Variants in NCKAP5 observed in about 807,000 individuals in gnomAD.
NCKAP5 encodes NCK associated protein 5, also known as nck-associated protein 5.
NCKAP5 carries 92 observed loss-of-function variants against 167.0 expected under a neutral mutation model. The ratio of observed to expected loss-of-function variants is 0.55; its 90% CI spans 0.47 to 0.66. NCKAP5 has a LOEUF of 0.66. NCKAP5 is among the 30% of genes least tolerant of loss of function. NCKAP5 has a pLI of 0.00. For synonymous variants in NCKAP5, 891 were observed against 877.4 expected, an observed-to-expected ratio of 1.02 and a Z score of -0.27; for missense variants, 2,378 against 2,315.0, an observed-to-expected ratio of 1.03 and a Z score of -0.56.
intron 19 of NCKAP5, among the ~76,000 whole-genome samples, chr2:132,704,912 G>A (rs981901030): frequency 5.9e-5 from 9 of 152,130 alleles, no homozygotes; most frequent in Admixed American, 3.3e-4. Flanking sequence ...ATAAGATCCT[G>A]ATAAGTTTCT....
chr2:132,702,270 T>A (rs1687958074), intron 19 of NCKAP5, among the ~76,000 whole-genome samples: 1 of 152,208 alleles, frequency 6.6e-6, no homozygotes, highest in Non-Finnish European at 1.5e-5. Context: ...GAAAGGTTTG[T>A]GATGAGCAAC....
intron 19 of NCKAP5, among the ~76,000 whole-genome samples, chr2:132,704,853 A>G (rs1454561479): frequency 6.6e-6 from 1 of 152,194 alleles, no homozygotes; most frequent in Non-Finnish European, 1.5e-5. Context: ...ATAAATACAC[A>G]ACTATGCTCA....
intron 2 of NCKAP5, among the ~76,000 whole-genome samples, chr2:133,538,470 A>G (rs1056711797): frequency 6.6e-6 from 1 of 152,156 alleles, no homozygotes; most frequent in South Asian, 2.1e-4. Flanking sequence ...AATCTTCCAT[A>G]AAATAATAGT....
chr2:133,466,634 A>G (rs1052698067), intron 3 of NCKAP5, among the ~76,000 whole-genome samples: 3 of 152,102 alleles, frequency 2.0e-5, no homozygotes, highest in African/African-American at 7.2e-5. Flanking sequence ...GATTCTTCCT[A>G]CCCATGAGCA....
intron 4 of NCKAP5, among the ~76,000 whole-genome samples, chr2:133,230,576 C>G (rs1273603025): frequency 1.3e-5 from 2 of 150,804 alleles, no homozygotes; most frequent in Non-Finnish European, 2.9e-5. Context: ...TTGCAAACTT[C>G]TTCTCTTCAA....
rs537227525 is a variant in NCKAP5, at chr2:133,559,097, C to A, written c.-109G>T. On this transcript the variant is annotated 5_prime_UTR_variant, in exon 2 of 20. It removes an upstream start codon present in the reference 5' UTR. Transcript: ENST00000409261. ...TACAGGCACTTGAGGTAGCTTATCT[C>A]ATTTATTCTTCACGATGAACCTGTA... 156 of 152,250 alleles carry A rather than the reference C, an allele frequency of 1.0e-3. No homozygotes were observed. The highest frequency in any genetic ancestry group is 3.6e-3 in the African/African-American group (151 of 41,540). The allele number at this position is 152,250 out of a possible 1,614,324, so 9.4% of individuals were successfully genotyped here.
Position 132,731,945 on chromosome 2 carries a change from T to C in NCKAP5, c.5235A>G (p.Pro1745=). ...GAGGCAGGAGAGGCTCAGCGTCCTC[T>C]GGGGAGTCTGGCTGGCATAGGTAGC... ...TGRYLCQPDS[P]EDAEPLLPLQ... Residue 1745 remains proline, a synonymous_variant, in exon 17 of 20, where the codon CCA becomes CCG. Coordinates refer to ENST00000409261, the MANE Select transcript of NCKAP5 (RefSeq NM_207363.3). 1 of 1,613,926 alleles carries C rather than the reference T, an allele frequency of 6.2e-7. No homozygotes were observed. The highest frequency in any genetic ancestry group is 8.5e-7 in the Non-Finnish European group (1 of 1,179,866).
chr2:133,616,464 G>C, the NCKAP5 span, among the ~76,000 whole-genome samples: 1 of 151,048 alleles, frequency 6.6e-6, no homozygotes, highest in Admixed American at 6.6e-5. Context: ...AAATGATAAA[G>C]GGGATATCAC....
At chr2:133,461,588 G>A (rs890956950) in intron 3 of NCKAP5, among the ~76,000 whole-genome samples, 2 of 152,126 alleles carry the variant, frequency 1.3e-5, no homozygotes, top group African/African-American at 2.4e-5. Flanking sequence ...CATCCCCTAG[G>A]ACATGGTCAA....
chr2:133,610,392 G>A, the NCKAP5 span, among the ~76,000 whole-genome samples: 1 of 152,140 alleles, frequency 6.6e-6, no homozygotes, highest in African/African-American at 2.4e-5. Flanking sequence ...GAAGGGTGAG[G>A]AAGAAGAAGC....
intron 18 of NCKAP5, among the ~76,000 whole-genome samples, chr2:132,728,093 C>G (rs1690640391): frequency 6.6e-6 from 1 of 152,202 alleles, no homozygotes; most frequent in African/African-American, 2.4e-5. Flanking sequence ...CTCCTCCTTT[C>G]TCACCACCAG....
rs116820482 is a variant in NCKAP5, at chr2:133,135,411, T to C, written c.208-5300A>G. On this transcript the variant is annotated intron_variant, in intron 5 of 19. Transcript: ENST00000409261. ...GGCATAGGACGCAGGTGGAAAAGAA[T>C]AAGGGATAGACCACGTAGGACCATG... 6.1e-3 allele frequency among the ~76,000 whole-genome samples: 930 copies of C among 152,050 alleles called. 3 individuals are homozygous for C. The highest frequency in any genetic ancestry group is 0.021 in the African/African-American group (875 of 41,482).
chr2:132,789,842 T>C (rs1309494088), intron 13 of NCKAP5, among the ~76,000 whole-genome samples, 181 bp downstream of exon 13: 1 of 152,166 alleles, frequency 6.6e-6, no homozygotes. Flanking sequence ...CTCCAATTTA[T>C]AGTCAAATAG....
chr2:132,885,890 GCATAA>G (rs1210976220), intron 8 of NCKAP5, among the ~76,000 whole-genome samples: 2 of 152,220 alleles, frequency 1.3e-5, no homozygotes, highest in African/African-American at 4.8e-5. Context: ...TCTGTCCTCT[GCATAA>G]CATAACAGCT....
chr2:132,812,775 C>T (rs192921142), intron 11 of NCKAP5, among the ~76,000 whole-genome samples: 3 of 152,280 alleles, frequency 2.0e-5, no homozygotes, highest in African/African-American at 4.8e-5. Context: ...ATGTATTTCT[C>T]GCAGTTTTGG....
At chr2:132,954,585 G>C in intron 8 of NCKAP5, 1 of 447,214 alleles carries the variant, frequency 2.2e-6, no homozygotes, top group Non-Finnish European at 4.5e-6. Context: ...AGTATCCATT[G>C]AATAAATTTC....
chr2:133,057,609 G>A (rs2079849808), intron 6 of NCKAP5, among the ~76,000 whole-genome samples: 1 of 152,208 alleles, frequency 6.6e-6, no homozygotes, highest in African/African-American at 2.4e-5. Context: ...ATTCTATGAA[G>A]CCTGAGAGAG....
chr2:132,783,695 A>G lies in NCKAP5; in HGVS notation c.3116T>C (p.Val1039Ala). ...TTTGGGGACACCTCTCTTCGGAGAGACCTTTGGAGGCCCCAGAGCCATTAC... is the reference window on the plus strand; with the variant it reads ...TTTGGGGACACCTCTCTTCGGAGAGGCCTTTGGAGGCCCCAGAGCCATTAC... Reference protein sequence around the residue: ...FTVMALGPPKVSPKRGVPKTS... With the variant: ...FTVMALGPPKASPKRGVPKTS... Residue 1039 changes from valine to alanine, a missense_variant, in exon 14 of 20, where the codon GTC becomes GCC. Around this residue, in one of 3 missense-constraint regions of NCKAP5, gnomAD observed 1,325 missense variants for 1,274.5 expected, o/e 1.04. Coordinates refer to ENST00000409261, the MANE Select transcript of NCKAP5 (RefSeq NM_207363.3). 1 of 1,613,366 alleles carries G rather than the reference A, an allele frequency of 6.2e-7. No homozygotes were observed. The highest frequency in any genetic ancestry group is 8.5e-7 in the Non-Finnish European group (1 of 1,179,712).
chr2:132,989,455 T>G (rs1328291278), intron 7 of NCKAP5, among the ~76,000 whole-genome samples: 1 of 152,082 alleles, frequency 6.6e-6, no homozygotes, highest in East Asian at 1.9e-4. Context: ...CGGGAGGTGC[T>G]TTTCCTTCCT....
Sources: gnomAD v4.1 joint callset for allele counts (sites outside exome capture counted in the v4.1 genomes callset) on GRCh38, gnomAD v4.1.1 for gene constraint, gnomAD v4.1.1 regional missense constraint, MANE v1.5 for transcripts, NCBI Gene and HGNC (gene_info 2026-07-23, HGNC 2026-07-21) for gene names.